SUGCT: variants seen among roughly 807,000 people sequenced by gnomAD.
The protein encoded by SUGCT is succinyl-CoA:glutarate-CoA transferase.
A neutral mutation model predicts 55.0 loss-of-function variants in SUGCT; 41 were observed. That is an observed-to-expected ratio of 0.74 (90% CI 0.58 to 0.97). The LOEUF (loss-of-function observed/expected upper bound fraction) is 0.97, where lower values mean the gene tolerates loss of function less well. SUGCT is among the 50% of genes least tolerant of loss of function. The pLI is 0.00. For synonymous variants in SUGCT, 187 were observed against 200.4 expected (o/e 0.93, Z 0.56); for missense variants, 568 against 547.8 (o/e 1.04, Z -0.37).
intron 9 of SUGCT, among the ~76,000 whole-genome samples, chr7:40,430,611 G>A (rs1787842380): frequency 6.6e-6 from 1 of 152,094 alleles, no homozygotes; most frequent in Admixed American, 6.6e-5. Flanking sequence ...CAATCTCTAA[G>A]TTGCTGGTCT....
At chr7:40,830,592 A>G (rs2128777318) in intron 13 of SUGCT, among the ~76,000 whole-genome samples, 1 of 151,744 alleles carries the variant, frequency 6.6e-6, no homozygotes, top group African/African-American at 2.4e-5. Flanking sequence ...TTCCCTGATC[A>G]CTCCATCTAA....
At chr7:40,273,523 T>C (rs1272548227) in intron 7 of SUGCT, among the ~76,000 whole-genome samples, 8 of 152,168 alleles carry the variant, frequency 5.3e-5, no homozygotes, top group Non-Finnish European at 8.8e-5. Context: ...CTAATAACAA[T>C]GTTGATAATT....
chr7:40,909,953 C>T, the SUGCT span, among the ~76,000 whole-genome samples: 19 of 152,226 alleles, frequency 1.2e-4, no homozygotes, highest in African/African-American at 4.3e-4. Context: ...CTGCTGACTT[C>T]TTGACTTGGG....
chr7:40,279,711 T>G (rs1485667711), intron 8 of SUGCT, among the ~76,000 whole-genome samples: 1 of 152,178 alleles, frequency 6.6e-6, no homozygotes, highest in African/African-American at 2.4e-5. Context: ...TCAATTTGTC[T>G]TTCAATTTAA....
intron 7 of SUGCT, among the ~76,000 whole-genome samples, 167 bp downstream of exon 7, chr7:40,237,893 A>T (rs1245790331): frequency 6.6e-6 from 1 of 152,214 alleles, no homozygotes. Flanking sequence ...AGGGAAAGTG[A>T]ATGCTTATGA....
At chr7:40,569,188 T>C (rs1420769898) in intron 12 of SUGCT, among the ~76,000 whole-genome samples, 1 of 151,868 alleles carries the variant, frequency 6.6e-6, no homozygotes, top group Non-Finnish European at 1.5e-5. Flanking sequence ...GATATAGGGG[T>C]CAGGGATTTT....
At chr7:40,792,023 A>G (rs1319424214) in intron 13 of SUGCT, among the ~76,000 whole-genome samples, 4 of 152,188 alleles carry the variant, frequency 2.6e-5, no homozygotes, top group Non-Finnish European at 4.4e-5. Context: ...CTGGCCACAC[A>G]TGATTTGTCA....
chr7:40,520,317 A>G (rs973971836), intron 12 of SUGCT, among the ~76,000 whole-genome samples: 3 of 152,152 alleles, frequency 2.0e-5, no homozygotes, highest in Non-Finnish European at 4.4e-5. Context: ...TCTGGTGTCT[A>G]TTAAACTTTG....
chr7:40,205,570 G>A (rs1786920380), intron 6 of SUGCT, among the ~76,000 whole-genome samples: 1 of 149,104 alleles, frequency 6.7e-6, no homozygotes, highest in African/African-American at 2.5e-5. Flanking sequence ...GAACCCTGGA[G>A]GCGGAGATTG....
At chr7:40,887,833 C>T in the SUGCT span, among the ~76,000 whole-genome samples, 8 of 152,104 alleles carry the variant, frequency 5.3e-5, no homozygotes, top group African/African-American at 1.9e-4. Context: ...CCAGTAAAGA[C>T]ACTGAAAAGA....
chr7:41,025,028 T>C, the SUGCT span, among the ~76,000 whole-genome samples: 1 of 152,186 alleles, frequency 6.6e-6, no homozygotes, highest in Non-Finnish European at 1.5e-5. Context: ...TCTGTAAGTG[T>C]TGAAGGGATA....
At chr7:40,491,864 C>T (rs1791701657) in intron 11 of SUGCT, among the ~76,000 whole-genome samples, 1 of 152,026 alleles carries the variant, frequency 6.6e-6, no homozygotes, top group South Asian at 2.1e-4. Flanking sequence ...GTGGTGGGCA[C>T]CTGTAATCCC....
At chr7:40,917,551 T>C in the SUGCT span, among the ~76,000 whole-genome samples, 62 of 152,138 alleles carry the variant, frequency 4.1e-4, no homozygotes, top group Non-Finnish European at 7.1e-4. Context: ...AGAGACTGAG[T>C]TACAGACATA....
chr7:40,938,166 A>G, the SUGCT span, among the ~76,000 whole-genome samples: 1 of 152,268 alleles, frequency 6.6e-6, no homozygotes, highest in African/African-American at 2.4e-5. Flanking sequence ...GTTGTAGACA[A>G]CATATTTTTG....
At chr7:40,180,548 G>A (rs899984981) in intron 1 of SUGCT, among the ~76,000 whole-genome samples, 2 of 151,244 alleles carry the variant, frequency 1.3e-5, no homozygotes, top group South Asian at 4.2e-4. Context: ...GGAGTGCAGC[G>A]GCATGATCTC....
At chr7:40,347,078 G>A (rs956073657) in intron 9 of SUGCT, among the ~76,000 whole-genome samples, 1 of 152,198 alleles carries the variant, frequency 6.6e-6, no homozygotes, top group Non-Finnish European at 1.5e-5. Context: ...CTTTGGAACT[G>A]GTTGATGGGT....
At chr7:40,938,137 C>G in the SUGCT span, among the ~76,000 whole-genome samples, 1 of 152,164 alleles carries the variant, frequency 6.6e-6, no homozygotes, top group Non-Finnish European at 1.5e-5. Flanking sequence ...CAGCCTGCAG[C>G]CTGGGGATGG....
intron 11 of SUGCT, among the ~76,000 whole-genome samples, chr7:40,465,957 C>G (rs1406339642): frequency 1.3e-5 from 2 of 152,208 alleles, no homozygotes; most frequent in East Asian, 3.9e-4. Flanking sequence ...TCATGGTTCA[C>G]TTTAGCCTTG....
At chr7:40,478,577 C>G (rs1283826747) in intron 11 of SUGCT, among the ~76,000 whole-genome samples, 3 of 151,994 alleles carry the variant, frequency 2.0e-5, no homozygotes, top group African/African-American at 7.3e-5. Flanking sequence ...TTAAGGGGTG[C>G]AGTGTTGTGA....
Sources: allele counts gnomAD v4.1 joint callset (sites outside exome capture counted in the v4.1 genomes callset), GRCh38; gene constraint gnomAD v4.1.1; transcripts MANE v1.5; gene names NCBI Gene and HGNC (gene_info 2026-07-23, HGNC 2026-07-21).